CNTN3: variants seen among roughly 807,000 people sequenced by gnomAD.
CNTN3 encodes the protein contactin-3.
In CNTN3, 60 loss-of-function variants were observed where a neutral mutation model predicts 119.1. The observed-to-expected ratio is 0.50, with a 90% CI of 0.41 to 0.62. The LOEUF (loss-of-function observed/expected upper bound fraction) is 0.62. CNTN3 is among the 20% of genes least tolerant of loss of function. The pLI, the probability that CNTN3 is intolerant of heterozygous loss-of-function variation, is 0.00. For missense variants in CNTN3, 1,101 were observed against 1,242.4 expected, an observed-to-expected ratio of 0.89 and a Z score of 1.71; for synonymous variants, 450 against 438.7, an observed-to-expected ratio of 1.03 and a Z score of -0.32.
chr3:74,537,946 G>C (rs147110742), intron 1 of CNTN3, among the ~76,000 whole-genome samples: 213 of 152,176 alleles, frequency 1.4e-3, no homozygotes, highest in African/African-American at 4.8e-3. Context: ...GGGAAGGGAC[G>C]GTGGACAGAG....
chr3:74,525,810 G>A (rs529826914), intron 1 of CNTN3, among the ~76,000 whole-genome samples: 152 of 151,888 alleles, frequency 1.0e-3, no homozygotes, highest in Non-Finnish European at 1.6e-3. Flanking sequence ...AACCAAAAAT[G>A]CTCTAAATAG....
intron 2 of CNTN3, among the ~76,000 whole-genome samples, chr3:74,516,776 T>C (rs932372128): frequency 4.2e-5 from 6 of 144,106 alleles, no homozygotes; most frequent in Non-Finnish European, 7.4e-5. Flanking sequence ...CCCTGATAAG[T>C]AAATGAGCAA....
intron 5 of CNTN3, among the ~76,000 whole-genome samples, chr3:74,375,932 C>T (rs1704465186): frequency 6.6e-6 from 1 of 152,122 alleles, no homozygotes; most frequent in Non-Finnish European, 1.5e-5. Flanking sequence ...AGCCATCTCG[C>T]TGTGAATTCT....
intron 20 of CNTN3, among the ~76,000 whole-genome samples, chr3:74,271,828 G>A (rs560500925): frequency 3.6e-4 from 55 of 152,262 alleles, no homozygotes; most frequent in African/African-American, 1.2e-3. Flanking sequence ...GTAAGATACG[G>A]TTGTTTTGGA....
chr3:74,323,054 T>G (rs1703034838), intron 13 of CNTN3, among the ~76,000 whole-genome samples: 1 of 152,314 alleles, frequency 6.6e-6, no homozygotes, highest in South Asian at 2.1e-4. Flanking sequence ...TTCTGCGAGA[T>G]ACTACAACAG....
chr3:74,268,113 A>C (rs181439071), intron 20 of CNTN3, among the ~76,000 whole-genome samples: 14 of 152,266 alleles, frequency 9.2e-5, no homozygotes, highest in Non-Finnish European at 1.8e-4. Context: ...TGAGGATTCC[A>C]TTAGAGGATT....
intron 18 of CNTN3, among the ~76,000 whole-genome samples, chr3:74,295,871 A>T (rs1018854079): frequency 6.6e-6 from 1 of 152,086 alleles, no homozygotes; most frequent in African/African-American, 2.4e-5. Flanking sequence ...CCCCTCCCTC[A>T]GGTGCATTTC....
chr3:74,587,981 T>C (rs1471805656), intron 1 of CNTN3, among the ~76,000 whole-genome samples: 1 of 152,150 alleles, frequency 6.6e-6, no homozygotes, highest in African/African-American at 2.4e-5. Flanking sequence ...CAATACCTAA[T>C]TTATTGAGAG....
At chr3:74,310,223 T>TA (rs1272892106) in intron 13 of CNTN3, among the ~76,000 whole-genome samples, 4 of 152,176 alleles carry the variant, frequency 2.6e-5, no homozygotes, top group Non-Finnish European at 5.9e-5. Flanking sequence ...AACATACTGA[T>TA]ATGAAGGAAT....
chr3:74,461,592 G>T (rs1702368632), intron 4 of CNTN3, among the ~76,000 whole-genome samples: 1 of 151,926 alleles, frequency 6.6e-6, no homozygotes, highest in Admixed American at 6.6e-5. Context: ...TGATAAGTAG[G>T]TTCATGCATT....
At chr3:74,286,689 G>T (rs1702121221) in intron 19 of CNTN3, among the ~76,000 whole-genome samples, 1 of 152,154 alleles carries the variant, frequency 6.6e-6, no homozygotes, top group African/African-American at 2.4e-5. Context: ...AAGAAACGCA[G>T]CAATTTTCCT....
chr3:74,321,129 CA>C (rs1702978139), intron 13 of CNTN3, among the ~76,000 whole-genome samples: 1 of 151,860 alleles, frequency 6.6e-6, no homozygotes, highest in African/African-American at 2.4e-5. Flanking sequence ...CTGGAGAATA[CA>C]AGAGGGAGGA....
At chr3:74,547,252 T>C (rs1418988961) in intron 1 of CNTN3, among the ~76,000 whole-genome samples, 2 of 152,204 alleles carry the variant, frequency 1.3e-5, no homozygotes, top group East Asian at 3.8e-4. Flanking sequence ...TAACACCTGA[T>C]GAAAATTTCT....
chr3:74,329,054 T>C (rs1304497758), intron 13 of CNTN3, among the ~76,000 whole-genome samples: 1 of 152,208 alleles, frequency 6.6e-6, no homozygotes, highest in Admixed American at 6.5e-5. Flanking sequence ...TACATAGTTA[T>C]AAAGAGCTGC....
intron 11 of CNTN3, among the ~76,000 whole-genome samples, chr3:74,338,543 T>G (rs1703456235): frequency 6.6e-6 from 1 of 151,980 alleles, no homozygotes; most frequent in Non-Finnish European, 1.5e-5. Context: ...TCTCCATATT[T>G]TTCTCCTCCA....
chr3:74,559,908 G>A (rs1366532341), intron 1 of CNTN3, among the ~76,000 whole-genome samples: 1 of 152,086 alleles, frequency 6.6e-6, no homozygotes, highest in Admixed American at 6.6e-5. Flanking sequence ...CTGAGACACT[G>A]GGGCACACTA....
chr3:74,441,742 G>C (rs73841844), intron 4 of CNTN3, among the ~76,000 whole-genome samples: 41 of 152,168 alleles, frequency 2.7e-4, no homozygotes, highest in African/African-American at 9.6e-4. Flanking sequence ...TTATCCTTTG[G>C]CCCTGTTTGT....
At chr3:74,583,345 A>T (rs75544874) in intron 1 of CNTN3, among the ~76,000 whole-genome samples, 5,946 of 152,260 alleles carry the variant, frequency 0.039, 163 homozygotes, top group South Asian at 0.13. Flanking sequence ...TAAACGATTT[A>T]TGATCTATCC....
intron 8 of CNTN3, among the ~76,000 whole-genome samples, chr3:74,367,957 G>A (rs1200067844): frequency 6.6e-6 from 1 of 152,022 alleles, no homozygotes; most frequent in Non-Finnish European, 1.5e-5. Flanking sequence ...TGGGGCCTTA[G>A]AGCTGGACAG....
Sources: allele counts gnomAD v4.1 joint callset (sites outside exome capture counted in the v4.1 genomes callset), GRCh38; gene constraint gnomAD v4.1.1; transcripts MANE v1.5; gene names NCBI Gene and HGNC (gene_info 2026-07-23, HGNC 2026-07-21).